Variants in AKR1C4 observed in about 807,000 individuals in gnomAD.
AKR1C4 encodes aldo-keto reductase family 1 member C4.
Under a neutral mutation model 41.0 loss-of-function variants are expected in AKR1C4, and 44 were observed. The observed-to-expected ratio is 1.07, with a 90% CI of 0.84 to 1.38. The LOEUF is 1.38. Ranked by LOEUF, AKR1C4 falls within the 40% of genes most tolerant of loss-of-function variation. The probability of loss-of-function intolerance (pLI) is 0.00; values close to 1 mark genes in which losing one functional copy is unlikely to be tolerated. For missense variants in AKR1C4, 438 were observed against 387.9 expected (o/e 1.13, Z -1.09); for synonymous variants, 165 against 137.7 (o/e 1.20, Z -1.39).
At position 5,218,727 on chromosome 10, in the gene AKR1C4, C is replaced by A; in HGVS notation, c.939C>A (p.Asp313Glu). 6.2e-7 allele frequency: 1 copy of A among 1,601,510 alleles called. No homozygotes were observed. The highest frequency in any genetic ancestry group is 1.1e-5 in the South Asian group (1 of 90,854). ...TCCTTTCTCTTTTCAGTCTTATGGA[C>A]CATCCTGATTATCCATTTTCAGATG... ...YRYVVMDFLM[D>E]HPDYPFSDEY The change falls in exon 9 of 9, where the codon GAC (aspartate) becomes GAA (glutamate). Residue 313 changes from aspartate (D) to glutamate (E), a missense_variant. Coordinates refer to ENST00000263126, the MANE Select transcript of AKR1C4 (RefSeq NM_001818.5).
In AKR1C4 at chr10:5,205,827, C is replaced by T. The variant is rs1157296300; in HGVS notation, c.440C>T (p.Thr147Ile). 1 of 1,612,540 alleles carries T rather than the reference C, an allele frequency of 6.2e-7. No individual in the cohort carries two copies. The highest frequency in any genetic ancestry group is 8.5e-7 in the Non-Finnish European group (1 of 1,179,116). ...VIFDTVDLSA[T>I]WEVMEKCKDA... ...TTCGACACAGTGGATCTCTCTGCCACATGGGAGGTGAGTGCTTGGAGGACA... is the reference window on the plus strand; with the variant it reads ...TTCGACACAGTGGATCTCTCTGCCATATGGGAGGTGAGTGCTTGGAGGACA... Residue 147 changes from threonine to isoleucine, a missense_variant, in exon 4 of 9, where the codon ACA (threonine) becomes ATA (isoleucine). Coordinates refer to ENST00000263126, the MANE Select transcript of AKR1C4 (RefSeq NM_001818.5).
Position 5,215,696 on chromosome 10 carries a change from A to T in AKR1C4, c.847-1015A>T, listed in dbSNP as rs571949325. On this transcript the variant is annotated intron_variant, in intron 7 of 8. Coordinates refer to ENST00000263126, the MANE Select transcript of AKR1C4 (RefSeq NM_001818.5). ...GTCAAGTTCTTTCGTAAGGTATAAC[A>T]AGGGTGATCTTTGTTCCAGTTTTTA... is the stretch of plus-strand genomic sequence containing the variant. Among the ~76,000 whole-genome samples, 8 of 152,344 alleles carry T rather than the reference A, an allele frequency of 5.3e-5. No homozygotes were observed. In the East Asian group the frequency reaches 1.5e-3, roughly 29 times the overall value.
intron 8 of AKR1C4, 98 bp from the exon 9 acceptor site, chr10:5,218,620 A>T (rs1832690799): frequency 1.1e-6 from 1 of 893,304 alleles, no homozygotes; most frequent in Admixed American, 2.0e-5. Context: ...ACTTCTTAAC[A>T]TTCACACTAA....
intron 5 of AKR1C4, among the ~76,000 whole-genome samples, chr10:5,212,046 A>C (rs1554797980): frequency 2.0e-5 from 3 of 152,148 alleles, no homozygotes; most frequent in African/African-American, 7.2e-5. Context: ...GAATTATGAG[A>C]GCTACAAAAT....
At chr10:5,198,916 C>T (rs1832354159) in intron 1 of AKR1C4, among the ~76,000 whole-genome samples, 2 of 147,228 alleles carry the variant, frequency 1.4e-5, no homozygotes, top group South Asian at 2.2e-4. Flanking sequence ...GTGGGAGGAT[C>T]ACTTGAGCCC....
chr10:5,212,510 T>C (rs1832590903), intron 5 of AKR1C4, 106 bp from the exon 6 acceptor site: 3 of 1,002,442 alleles, frequency 3.0e-6, no homozygotes, highest in African/African-American at 3.3e-5. Context: ...TTGACAGTAA[T>C]ATTCTGTTCA....
Position 5,213,068 on chromosome 10 carries a change from C to A in AKR1C4, c.755C>A (p.Pro252Gln), listed in dbSNP as rs1554798118. The change falls in exon 7 of 9, where the codon CCA (proline) becomes CAA (glutamine). Residue 252 changes from proline (P) to glutamine (Q), a missense_variant. Transcript: ENST00000263126. ...CALAKKHKQT[P>Q]ALIALRYQLQ... ...TTAGCAAAGAAACACAAACAAACCCCAGCCCTGATTGCCCTGCGCTACCAG... is the reference window on the plus strand; with the variant it reads ...TTAGCAAAGAAACACAAACAAACCCAAGCCCTGATTGCCCTGCGCTACCAG... 1 of 1,614,162 alleles carries A rather than the reference C, an allele frequency of 6.2e-7. No homozygotes were observed. Among genetic ancestry groups the A allele is most frequent in the Admixed American group, 1.7e-5 (1 of 60,024 alleles).
At chr10:5,208,516 C>T (rs1554797687) in intron 5 of AKR1C4, among the ~76,000 whole-genome samples, 2 of 151,506 alleles carry the variant, frequency 1.3e-5, no homozygotes, top group Non-Finnish European at 2.9e-5. Flanking sequence ...AGTATATAGG[C>T]ATATATGAGT....
At chr10:5,218,611 C>A (rs1832690632) in intron 8 of AKR1C4, 107 bp from the exon 9 acceptor site, 8 of 762,870 alleles carry the variant, frequency 1.0e-5, no homozygotes, top group South Asian at 1.9e-5. Flanking sequence ...CGAAAATAAA[C>A]TTCTTAACAT....
chr10:5,218,071 G>A (rs1018358969), intron 8 of AKR1C4, among the ~76,000 whole-genome samples: 4 of 152,132 alleles, frequency 2.6e-5, no homozygotes, highest in Admixed American at 2.6e-4. Context: ...AAGGAAGAGT[G>A]GCAAACATCA....
intron 2 of AKR1C4, among the ~76,000 whole-genome samples, chr10:5,203,576 T>TA (rs1274647524): frequency 1.3e-5 from 2 of 152,244 alleles, no homozygotes; most frequent in African/African-American, 4.8e-5. Flanking sequence ...TCTGGGCACT[T>TA]ACAGTTTTTC....
intron 5 of AKR1C4, among the ~76,000 whole-genome samples, chr10:5,210,939 A>C (rs7475281): frequency 0.11 from 17,187 of 152,242 alleles, 1,188 homozygotes; most frequent in Admixed American, 0.17. Context: ...TTCTGTGCAC[A>C]CATAGGCTCA....
chr10:5,201,991 T>C (rs970947538), intron 2 of AKR1C4, among the ~76,000 whole-genome samples: 3 of 152,222 alleles, frequency 2.0e-5, no homozygotes, highest in Admixed American at 6.5e-5. Context: ...TACCATGCTG[T>C]TTGTATAACT....
intron 2 of AKR1C4, chr10:5,202,526 G>T (rs1367716883): frequency 1.1e-5 from 5 of 453,906 alleles, no homozygotes; most frequent in Non-Finnish European, 2.2e-5. Context: ...CTCTGGCTAG[G>T]ACTTCCAGTA....
At chr10:5,200,470 A>C in intron 2 of AKR1C4, 122 bp downstream of exon 2, 1 of 1,446,558 alleles carries the variant, frequency 6.9e-7, no homozygotes, top group African/African-American at 1.4e-5. Context: ...ATTTATTCAC[A>C]CATATTCAGG....
intron 5 of AKR1C4, among the ~76,000 whole-genome samples, chr10:5,210,786 A>C (rs1832562747): frequency 1.3e-5 from 2 of 152,050 alleles, no homozygotes; most frequent in South Asian, 2.1e-4. Context: ...TAATTTTTGC[A>C]TCTTTAGTAG....
At chr10:5,198,041 T>C (rs1832338194) in intron 1 of AKR1C4, among the ~76,000 whole-genome samples, 1 of 152,236 alleles carries the variant, frequency 6.6e-6, no homozygotes, top group Non-Finnish European at 1.5e-5. Flanking sequence ...TACGGTTTTG[T>C]CATTTAAAAA....
rs576817218 is a variant in AKR1C4, at chr10:5,208,716, A to C, written c.570+2319A>C. Among the ~76,000 whole-genome samples, 66 of 151,572 alleles carry C rather than the reference A, an allele frequency of 4.4e-4. No individual in the cohort carries two copies. In the South Asian group the frequency reaches 0.013, roughly 31 times the overall value. On this transcript the variant is annotated intron_variant, in intron 5 of 8. Transcript: ENST00000263126. The stretch of plus-strand genomic sequence containing the variant: ...ATCATTGATTATCCAGTCAGTATTC[A>C]TATTTCCCATTGTTTTATTGAAAGA...
In AKR1C4 at chr10:5,213,083, TGCGCTACCAGCTGCA is replaced by T; in HGVS notation, c.774_788del (p.Tyr259_Arg263del). ...AAACAAACCCCAGCCCTGATTGCCC[TGCGCTACCAGCTGCA>T]GCGTGGGGTTGTGGTCCTGGCCAAG... On this transcript the variant is annotated inframe_deletion, in exon 7 of 9. Transcript: ENST00000263126. 1 of 1,614,184 alleles carries T rather than the reference TGCGCTACCAGCTGCA, an allele frequency of 6.2e-7. No homozygotes were observed.
Sources: gnomAD v4.1 joint callset for allele counts (sites outside exome capture counted in the v4.1 genomes callset) on GRCh38, gnomAD v4.1.1 for gene constraint, MANE v1.5 for transcripts, NCBI Gene and HGNC (gene_info 2026-07-23, HGNC 2026-07-21) for gene names.